The following GRK3 variants were observed in gnomAD, a reference collection of about 807,000 sequenced individuals.
GRK3 encodes the protein adrenergic, beta, receptor kinase 2.
Under a neutral mutation model 95.7 loss-of-function variants are expected in GRK3, and 54 were observed. That is an observed-to-expected ratio of 0.56 (90% CI 0.45 to 0.71). GRK3 has a LOEUF of 0.71. Ranked by LOEUF, GRK3 falls within the 30% of genes least tolerant of loss-of-function variation. The pLI, the probability that GRK3 is intolerant of heterozygous loss-of-function variation, is 0.00. For missense variants in GRK3, 649 were observed against 851.2 expected (o/e 0.76, Z 2.96); for synonymous variants, 281 against 290.8 (o/e 0.97, Z 0.34).
intron 16 of GRK3, 37 bp from the exon 17 acceptor site, chr22:25,711,031 A>G: frequency 7.3e-7 from 1 of 1,378,854 alleles, no homozygotes; most frequent in Non-Finnish European, 1.0e-6. Context: ...CCATACGATC[A>G]TCTGAAAACT....
intron 2 of GRK3, among the ~76,000 whole-genome samples, chr22:25,632,971 C>T (rs369556056): frequency 1.4e-4 from 22 of 152,130 alleles, no homozygotes; most frequent in African/African-American, 4.8e-4. Flanking sequence ...AGTGCAGTGG[C>T]GTGATCTTGG....
intron 1 of GRK3, among the ~76,000 whole-genome samples, chr22:25,592,122 A>G (rs1308836111): frequency 1.3e-5 from 2 of 152,232 alleles, no homozygotes; most frequent in African/African-American, 4.8e-5. Flanking sequence ...TGAGAATTCC[A>G]GTTACTCCAT....
chr22:25,727,691 G>A lies in GRK3; in HGVS notation c.*5241G>A, dbSNP rs1208444477. The stretch of plus-strand genomic sequence containing the variant: ...AGCGCTCCAGTATCTAACAATCTCA[G>A]AATCATCTCTGAAAACTGGTAACTA... On this transcript the variant is annotated 3_prime_UTR_variant, in exon 21 of 21. Coordinates refer to ENST00000324198, the MANE Select transcript of GRK3 (RefSeq NM_005160.4). 6.6e-6 allele frequency: 1 copy of A among 152,190 alleles called. No individual in the cohort carries two copies. The highest frequency in any genetic ancestry group is 1.5e-5 in the Non-Finnish European group (1 of 68,036). 9.4% of individuals were successfully genotyped at this position (152,190 alleles called of 1,614,324 possible).
chr22:25,613,162 G>A (rs1487386089), intron 2 of GRK3, among the ~76,000 whole-genome samples: 5 of 151,244 alleles, frequency 3.3e-5, no homozygotes, highest in Non-Finnish European at 7.4e-5. Flanking sequence ...AAATAGAGCC[G>A]TCTTGCATAA....
At position 25,690,261 on chromosome 22, in the gene GRK3, A is replaced by G; in HGVS notation, c.1030A>G (p.Lys344Glu). ...TCTTGGTCTTGCCTGCGATTTTTCCAAAAAGAAGCCTCATGCGAGTGTGTA... is the reference window on the plus strand; with the variant it reads ...TCTTGGTCTTGCCTGCGATTTTTCCGAAAAGAAGCCTCATGCGAGTGTGTA... ...SDLGLACDFSKKKPHASVGTH... is the reference protein window; with the variant it reads ...SDLGLACDFSEKKPHASVGTH... Residue 344 changes from lysine (K) to glutamate (E), a missense_variant, in exon 12 of 21, where the codon AAA becomes GAA. Physicochemically the swap from Lys to Glu is moderately conservative, Grantham distance 56. Around this residue, in one of 3 missense-constraint regions of GRK3, gnomAD observed 382 missense variants for 493.8 expected, o/e 0.77. Transcript: ENST00000324198. 1 of 1,613,736 alleles carries G rather than the reference A, an allele frequency of 6.2e-7. No homozygotes were observed. The highest frequency in any genetic ancestry group is 8.5e-7 in the Non-Finnish European group (1 of 1,179,652).
chr22:25,686,376 G>A (rs2085114392), intron 10 of GRK3, among the ~76,000 whole-genome samples: 1 of 152,206 alleles, frequency 6.6e-6, no homozygotes, highest in African/African-American at 2.4e-5. Flanking sequence ...AATGGATGGG[G>A]AGAGAGGCCT....
chr22:25,711,606 A>T (rs961693262), intron 17 of GRK3, among the ~76,000 whole-genome samples: 3 of 152,044 alleles, frequency 2.0e-5, no homozygotes, highest in Admixed American at 2.0e-4. Context: ...TGTTTTTTTT[A>T]ATACAATCCT....
chr22:25,685,333 G>A, intron 10 of GRK3, 85 bp downstream of exon 10: 1 of 1,020,514 alleles, frequency 9.8e-7, no homozygotes, highest in Non-Finnish European at 1.6e-6. Context: ...AGGCAGACTG[G>A]CAATGTGGGT....
intron 1 of GRK3, among the ~76,000 whole-genome samples, chr22:25,573,854 G>A (rs915751648): frequency 4.6e-5 from 7 of 151,852 alleles, no homozygotes; most frequent in African/African-American, 7.2e-5. Flanking sequence ...AGCTGAGATC[G>A]TGCTATTGCA....
rs367743321 is a variant in GRK3 at position 25,690,294 on chromosome 22, C to T, written c.1052+11C>T. 174 of 1,598,694 alleles carry T rather than the reference C, an allele frequency of 1.1e-4. No homozygotes were observed. Among genetic ancestry groups the T allele is most frequent in the East Asian group, 2.2e-4 (10 of 44,822 alleles). Reference sequence around the variant, plus strand: ...GCCTCATGCGAGTGTGTAAGTAGTGCGTCAACTTCAGTTCACCACCATTTC... The same window carrying T: ...GCCTCATGCGAGTGTGTAAGTAGTGTGTCAACTTCAGTTCACCACCATTTC... On this transcript the variant is annotated intron_variant, in intron 12 of 20. Coordinates refer to ENST00000324198, the MANE Select transcript of GRK3 (RefSeq NM_005160.4).
intron 2 of GRK3, among the ~76,000 whole-genome samples, chr22:25,624,906 A>AGATG (rs2084615460): frequency 6.6e-6 from 1 of 151,504 alleles, no homozygotes; most frequent in African/African-American, 2.4e-5. Context: ...AGTGTATATT[A>AGATG]GATGATGAAT....
chr22:25,589,230 G>A (rs1023454327), intron 1 of GRK3, among the ~76,000 whole-genome samples: 2 of 152,142 alleles, frequency 1.3e-5, no homozygotes, highest in African/African-American at 2.4e-5. Flanking sequence ...TTAAACCTCA[G>A]ATAGAATATG....
chr22:25,726,178 A>C lies in GRK3; in HGVS notation c.*3728A>C, dbSNP rs756826594. ...CAATTGACGACAGGGATTTAACTAG[A>C]TTAAAAAGATCAAAGTGTGGTTTTT... On this transcript the variant is annotated 3_prime_UTR_variant, in exon 21 of 21. Coordinates refer to ENST00000324198, the MANE Select transcript of GRK3 (RefSeq NM_005160.4). 4 of 152,220 alleles carry C rather than the reference A, an allele frequency of 2.6e-5. No individual in the cohort carries two copies. Among genetic ancestry groups the C allele is most frequent in the Admixed American group, 6.5e-5 (1 of 15,282 alleles). 9.4% of individuals were successfully genotyped at this position (152,220 alleles called of 1,614,324 possible).
In GRK3 at chr22:25,727,609, TA is replaced by T. The variant is rs1466897046; in HGVS notation, c.*5160del. ...GTATACGCATTTCATCAAACACATA[TA>T]GGGGAAAAAATCCTTCAATTTAGAG... On this transcript the variant is annotated 3_prime_UTR_variant, in exon 21 of 21. Transcript: ENST00000324198. 2 of 152,164 alleles carry T rather than the reference TA, an allele frequency of 1.3e-5. No homozygotes were observed. The highest frequency in any genetic ancestry group is 4.8e-5 in the African/African-American group (2 of 41,442). The allele number at this position is 152,164 out of a possible 1,614,324, so 9.4% of individuals were successfully genotyped here.
chr22:25,703,088 G>A (rs943409105), intron 13 of GRK3: 1 of 333,188 alleles, frequency 3.0e-6, no homozygotes, highest in South Asian at 2.3e-5. Context: ...TTCAACTGCT[G>A]TTCCTTGGGC....
At chr22:25,689,316 A>G (rs1365868556) in intron 11 of GRK3, among the ~76,000 whole-genome samples, 2 of 152,184 alleles carry the variant, frequency 1.3e-5, no homozygotes, top group African/African-American at 2.4e-5. Flanking sequence ...TCTAATTTAA[A>G]TCAGTAACTG....
At chr22:25,696,187 C>G (rs1010690406) in intron 13 of GRK3, among the ~76,000 whole-genome samples, 1 of 151,836 alleles carries the variant, frequency 6.6e-6, no homozygotes, top group Non-Finnish European at 1.5e-5. Flanking sequence ...GCCATGTTGC[C>G]CAGGCTGGTC....
intron 3 of GRK3, among the ~76,000 whole-genome samples, chr22:25,646,416 A>G (rs2084782754): frequency 6.6e-6 from 1 of 152,210 alleles, no homozygotes; most frequent in South Asian, 2.1e-4. Flanking sequence ...TTCCAGACAC[A>G]TGTAGGTTTG....
chr22:25,670,093 T>G (rs1243223003), intron 6 of GRK3, among the ~76,000 whole-genome samples: 1 of 152,270 alleles, frequency 6.6e-6, no homozygotes, highest in African/African-American at 2.4e-5. Context: ...GTGAGTCATT[T>G]TAGATTCATT....
Sources: allele counts gnomAD v4.1 joint callset (sites outside exome capture counted in the v4.1 genomes callset), GRCh38; gene constraint gnomAD v4.1.1; regional missense constraint gnomAD v4.1.1; transcripts MANE v1.5; gene names NCBI Gene and HGNC (gene_info 2026-07-23, HGNC 2026-07-21).